The following HIVEP2 variants were observed in gnomAD, a reference collection of about 807,000 sequenced individuals.
HIVEP2 encodes transcription factor HIVEP2.
HIVEP2 carries 14 observed loss-of-function variants against 180.7 expected under a neutral mutation model. That is an observed-to-expected ratio of 0.08 (90% CI 0.05 to 0.12). The LOEUF (loss-of-function observed/expected upper bound fraction) is 0.12, where lower values mean the gene tolerates loss of function less well. Among genes scored for constraint, HIVEP2 ranks in the 10% least tolerant of loss-of-function variants. The pLI is 1.00. For missense variants in HIVEP2, 2,579 were observed against 3,008.5 expected (o/e 0.86, Z 3.34); for synonymous variants, 1,184 against 1,136.4 (o/e 1.04, Z -0.84).
chr6:142,931,130 T>G (rs540783927), intron 1 of HIVEP2, among the ~76,000 whole-genome samples: 89 of 152,200 alleles, frequency 5.8e-4, no homozygotes, highest in African/African-American at 2.0e-3. Flanking sequence ...ATTCATTATG[T>G]GGAATAAGTC....
At chr6:142,926,020 T>C (rs957229348) in intron 1 of HIVEP2, among the ~76,000 whole-genome samples, 2 of 152,232 alleles carry the variant, frequency 1.3e-5, no homozygotes, top group Non-Finnish European at 2.9e-5. Flanking sequence ...TTCTTTATCA[T>C]ACCTGCAAGT....
intron 1 of HIVEP2, among the ~76,000 whole-genome samples, chr6:142,869,876 C>T (rs977454335): frequency 1.3e-5 from 2 of 152,114 alleles, no homozygotes; most frequent in Admixed American, 1.3e-4. Context: ...AAAACACACA[C>T]ATGTTCAACC....
At chr6:142,895,457 G>A (rs1376180303) in intron 1 of HIVEP2, among the ~76,000 whole-genome samples, 1 of 151,962 alleles carries the variant, frequency 6.6e-6, no homozygotes. Flanking sequence ...GAGTCTATGG[G>A]CAATCCACAT....
intron 5 of HIVEP2, 88 bp downstream of exon 5, chr6:142,769,464 T>A: frequency 8.4e-7 from 1 of 1,186,724 alleles, no homozygotes; most frequent in South Asian, 1.5e-5. Flanking sequence ...ACTTGTATTT[T>A]TTTTTTAGGC....
chr6:142,891,782 G>A (rs915353860), intron 1 of HIVEP2, among the ~76,000 whole-genome samples: 16 of 152,108 alleles, frequency 1.1e-4, no homozygotes, highest in African/African-American at 3.6e-4. Flanking sequence ...GCTGAGACAC[G>A]GCCCCCGATG....
chr6:142,756,753 C>A (rs956595787), intron 9 of HIVEP2, among the ~76,000 whole-genome samples: 6 of 151,640 alleles, frequency 4.0e-5, no homozygotes, highest in African/African-American at 1.5e-4. Context: ...CGTAGTAGAC[C>A]CTCAAAAATT....
chr6:142,846,156 G>C (rs1380938895), intron 1 of HIVEP2, among the ~76,000 whole-genome samples: 1 of 152,178 alleles, frequency 6.6e-6, no homozygotes, highest in African/African-American at 2.4e-5. Flanking sequence ...AGGGGAGTGT[G>C]TTGCCTTAGG....
intron 1 of HIVEP2, among the ~76,000 whole-genome samples, chr6:142,914,218 C>T (rs1777492904): frequency 6.6e-6 from 1 of 152,292 alleles, no homozygotes; most frequent in South Asian, 2.1e-4. Flanking sequence ...TCTACCAATT[C>T]TAAGACATAA....
At chr6:142,843,205 G>A (rs1231579042) in intron 1 of HIVEP2, among the ~76,000 whole-genome samples, 1 of 152,102 alleles carries the variant, frequency 6.6e-6, no homozygotes, top group Non-Finnish European at 1.5e-5. Context: ...TAAGTTCGCT[G>A]GTCTACACTT....
At chr6:142,813,298 AG>A in intron 2 of HIVEP2, among the ~76,000 whole-genome samples, 1 of 152,236 alleles carries the variant, frequency 6.6e-6, no homozygotes, top group East Asian at 1.9e-4. Context: ...TTTCACTTAA[AG>A]GGTTATATTC....
At position 142,764,990 on chromosome 6, in the gene HIVEP2, G is replaced by A; in HGVS notation, c.5343-16C>T. The A allele has an allele frequency of 6.3e-7, 1 of 1,587,282 alleles. No homozygotes were observed. The highest frequency in any genetic ancestry group is 1.1e-5 in the South Asian group (1 of 88,684). On this transcript the variant is annotated splice_polypyrimidine_tract_variant and intron_variant, in intron 6 of 9. Transcript: ENST00000367603. The stretch of plus-strand genomic sequence containing the variant: ...CGATTTGTACCTGTTTTAAAAAGAG[G>A]GAATCCAGTGTGTTTTCAAATATTC...
At chr6:142,858,417 T>C (rs1480711425) in intron 1 of HIVEP2, among the ~76,000 whole-genome samples, 1 of 152,018 alleles carries the variant, frequency 6.6e-6, no homozygotes, top group South Asian at 2.1e-4. Flanking sequence ...ATAGAAGCTC[T>C]CAAAGGAGGC....
At chr6:142,919,028 ATGTCTT>A (rs1777629278) in intron 1 of HIVEP2, among the ~76,000 whole-genome samples, 1 of 152,096 alleles carries the variant, frequency 6.6e-6, no homozygotes, top group Admixed American at 6.6e-5. Context: ...TTTGATTTTT[ATGTCTT>A]TATTAACTTC....
intron 1 of HIVEP2, among the ~76,000 whole-genome samples, chr6:142,886,136 A>T (rs988457185): frequency 2.6e-5 from 4 of 152,206 alleles, no homozygotes; most frequent in Non-Finnish European, 5.9e-5. Context: ...TACAGAAATA[A>T]TTACCACATG....
At chr6:142,892,076 G>A (rs150107528) in intron 1 of HIVEP2, among the ~76,000 whole-genome samples, 11 of 152,300 alleles carry the variant, frequency 7.2e-5, no homozygotes, top group African/African-American at 1.9e-4. Flanking sequence ...GCCTCACTGC[G>A]CTGCCTACTG....
chr6:142,832,876 T>G (rs898584711), intron 2 of HIVEP2, among the ~76,000 whole-genome samples: 5 of 152,198 alleles, frequency 3.3e-5, no homozygotes, highest in African/African-American at 1.2e-4. Flanking sequence ...TCTGGAAAAT[T>G]TACAGTCCAC....
intron 1 of HIVEP2, among the ~76,000 whole-genome samples, chr6:142,917,724 T>C (rs1777592011): frequency 6.6e-6 from 1 of 152,104 alleles, no homozygotes; most frequent in African/African-American, 2.4e-5. Context: ...ATTCTGCTCT[T>C]ATCAGATAAA....
intron 1 of HIVEP2, among the ~76,000 whole-genome samples, chr6:142,885,241 C>T (rs1776666817): frequency 6.6e-6 from 1 of 152,166 alleles, no homozygotes; most frequent in South Asian, 2.1e-4. Context: ...CCTTTCCCCA[C>T]ACACAGCCAT....
intron 9 of HIVEP2, among the ~76,000 whole-genome samples, chr6:142,758,522 A>T (rs756690519): frequency 5.9e-5 from 9 of 152,234 alleles, no homozygotes; most frequent in Non-Finnish European, 8.8e-5. Flanking sequence ...ATCCGGAGCA[A>T]GGGAGTACAA....
Sources: gnomAD v4.1 joint callset for allele counts (sites outside exome capture counted in the v4.1 genomes callset) on GRCh38, gnomAD v4.1.1 for gene constraint, MANE v1.5 for transcripts, NCBI Gene and HGNC (gene_info 2026-07-23, HGNC 2026-07-21) for gene names.